The following FNDC3B variants were observed in gnomAD, a reference collection of about 807,000 sequenced individuals.
FNDC3B encodes fibronectin type III domain containing 3B, also known as fibronectin type III domain-containing protein 3B.
Under a neutral mutation model 151.5 loss-of-function variants are expected in FNDC3B, and 12 were observed. That is an observed-to-expected ratio of 0.08 (90% CI 0.05 to 0.13). FNDC3B has a LOEUF of 0.13. FNDC3B is among the 10% of genes least tolerant of loss of function. The probability of loss-of-function intolerance (pLI) is 1.00; values close to 1 mark genes in which losing one functional copy is unlikely to be tolerated. For synonymous variants in FNDC3B, 528 were observed against 549.0 expected, an observed-to-expected ratio of 0.96 and a Z score of 0.54; for missense variants, 1,214 against 1,505.3, an observed-to-expected ratio of 0.81 and a Z score of 3.20.
At chr3:172,188,888 A>G (rs1002472226) in intron 3 of FNDC3B, among the ~76,000 whole-genome samples, 10 of 152,142 alleles carry the variant, frequency 6.6e-5, no homozygotes, top group African/African-American at 1.9e-4. Context: ...ATTCCTTGCA[A>G]CATTTTAGAC....
At chr3:172,128,655 C>T (rs1720920569) in intron 2 of FNDC3B, among the ~76,000 whole-genome samples, 1 of 152,184 alleles carries the variant, frequency 6.6e-6, no homozygotes, top group Non-Finnish European at 1.5e-5. Context: ...AGTCAAAGGT[C>T]ACTTTTGAAG....
intron 10 of FNDC3B, among the ~76,000 whole-genome samples, chr3:172,309,058 A>G (rs1265585961): frequency 6.6e-6 from 1 of 152,220 alleles, no homozygotes; most frequent in Non-Finnish European, 1.5e-5. Flanking sequence ...TCTTATTAGG[A>G]GGAAAACGTT....
chr3:172,041,358 G>GT (rs764264440), intron 1 of FNDC3B, among the ~76,000 whole-genome samples: 4 of 104,114 alleles, frequency 3.8e-5, no homozygotes, highest in Non-Finnish European at 8.6e-5. Context: ...TTTAAAAATC[G>GT]TTTTCTTTCT....
chr3:172,198,508 T>C (rs1724967532), intron 3 of FNDC3B, among the ~76,000 whole-genome samples: 1 of 152,218 alleles, frequency 6.6e-6, no homozygotes, highest in African/African-American at 2.4e-5. Flanking sequence ...ATTCTTTCTA[T>C]ATTTGTAAAA....
intron 3 of FNDC3B, among the ~76,000 whole-genome samples, chr3:172,193,984 G>C (rs1724694202): frequency 6.6e-6 from 1 of 152,106 alleles, no homozygotes; most frequent in South Asian, 2.1e-4. Flanking sequence ...ACTTTGGGAG[G>C]CTGAGGCGGG....
chr3:172,075,512 A>C (rs1717963090), intron 1 of FNDC3B, among the ~76,000 whole-genome samples: 1 of 152,296 alleles, frequency 6.6e-6, no homozygotes, highest in South Asian at 2.1e-4. Flanking sequence ...GAATTAACCG[A>C]TTCCTTCTAA....
chr3:172,051,383 C>T (rs1716647824), intron 1 of FNDC3B, among the ~76,000 whole-genome samples: 1 of 152,066 alleles, frequency 6.6e-6, no homozygotes, highest in Non-Finnish European at 1.5e-5. Flanking sequence ...CTCCTTGTCT[C>T]CCTTATTTGT....
chr3:172,158,914 T>G (rs116393979), intron 3 of FNDC3B, among the ~76,000 whole-genome samples: 5 of 152,116 alleles, frequency 3.3e-5, no homozygotes, highest in African/African-American at 1.2e-4. Context: ...ACCTCCTCTA[T>G]CAATGTCCAG....
intron 6 of FNDC3B, among the ~76,000 whole-genome samples, chr3:172,273,168 T>C (rs569495918): frequency 6.6e-6 from 1 of 152,344 alleles, no homozygotes; most frequent in African/African-American, 2.4e-5. Flanking sequence ...AATGGACTTA[T>C]TAACAGCACA....
At chr3:172,154,922 G>A (rs1370513286) in intron 3 of FNDC3B, among the ~76,000 whole-genome samples, 7 of 152,006 alleles carry the variant, frequency 4.6e-5, no homozygotes, top group Non-Finnish European at 8.8e-5. Flanking sequence ...GGGACAAGTC[G>A]GGGGCTGGTG....
intron 6 of FNDC3B, among the ~76,000 whole-genome samples, chr3:172,277,941 G>T (rs1729518645): frequency 6.6e-6 from 1 of 152,192 alleles, no homozygotes; most frequent in South Asian, 2.1e-4. Flanking sequence ...GTAGTAGGTT[G>T]TGTCATGGAT....
chr3:172,282,645 C>G (rs966412867), intron 6 of FNDC3B, among the ~76,000 whole-genome samples: 8 of 152,160 alleles, frequency 5.3e-5, no homozygotes, highest in African/African-American at 1.4e-4. Context: ...CCAACATAAA[C>G]CTTCCCATAG....
chr3:172,259,876 C>T (rs1432103394), intron 6 of FNDC3B, among the ~76,000 whole-genome samples: 1 of 152,112 alleles, frequency 6.6e-6, no homozygotes, highest in Non-Finnish European at 1.5e-5. Context: ...AGTCTTAACC[C>T]ATTAAATCAT....
At chr3:172,177,626 C>CT (rs10684671) in intron 3 of FNDC3B, among the ~76,000 whole-genome samples, 1,105 of 84,838 alleles carry the variant, frequency 0.013, 50 homozygotes, top group East Asian at 0.04. Context: ...TTACCACCAT[C>CT]TTTTTTTTTT....
rs772683960 is a variant in FNDC3B at position 172,347,204 on chromosome 3, CT to C, written c.2365-5del. ...CATTATTAACTACTTCCATTTCTGC[CT>C]TTCCAGAGTCCTGATAGTTCTGGTG... On this transcript the variant is annotated splice_polypyrimidine_tract_variant and splice_region_variant and intron_variant, in intron 20 of 25. Coordinates refer to ENST00000415807, the MANE Select transcript of FNDC3B (RefSeq NM_022763.4). 1.6e-5 allele frequency: 26 copies of C among 1,606,474 alleles called. No individual in the cohort carries two copies. The highest frequency in any genetic ancestry group is 2.2e-5 in the Non-Finnish European group (26 of 1,176,070).
chr3:172,179,856 T>A (rs1367637783), intron 3 of FNDC3B, among the ~76,000 whole-genome samples: 1 of 61,068 alleles, frequency 1.6e-5, no homozygotes, highest in African/African-American at 8.3e-5. Context: ...AGGCCCTGTC[T>A]CCAAAAAAAA....
chr3:172,244,197 A>C (rs1264401584), intron 4 of FNDC3B, among the ~76,000 whole-genome samples: 1 of 152,206 alleles, frequency 6.6e-6, no homozygotes, highest in Non-Finnish European at 1.5e-5. Flanking sequence ...ATAATAGTTG[A>C]ATTGAATACA....
intron 3 of FNDC3B, among the ~76,000 whole-genome samples, chr3:172,222,038 A>G (rs1422342757): frequency 6.6e-6 from 1 of 152,178 alleles, no homozygotes; most frequent in Non-Finnish European, 1.5e-5. Context: ...TCATTATTTC[A>G]TCTTTGCCTT....
At chr3:172,328,880 CTTCA>C in intron 11 of FNDC3B, 68 bp from the exon 12 acceptor site, 1 of 1,219,224 alleles carries the variant, frequency 8.2e-7, no homozygotes, top group Non-Finnish European at 1.1e-6. Context: ...CAAGATGCTC[CTTCA>C]TTTATTTAGG....
Sources: gnomAD v4.1 joint callset for allele counts (sites outside exome capture counted in the v4.1 genomes callset) on GRCh38, gnomAD v4.1.1 for gene constraint, MANE v1.5 for transcripts, NCBI Gene and HGNC (gene_info 2026-07-23, HGNC 2026-07-21) for gene names.